ZNF282: variants seen among roughly 807,000 people sequenced by gnomAD.
ZNF282 encodes HTLV-I U5 repressive element-binding protein 1.
Under a neutral mutation model 61.9 loss-of-function variants are expected in ZNF282, and 30 were observed. That is an observed-to-expected ratio of 0.48 (90% confidence interval 0.36 to 0.66). ZNF282 has a LOEUF of 0.66. Among genes scored for constraint, ZNF282 ranks in the 30% least tolerant of loss-of-function variants. The pLI, the probability that ZNF282 is intolerant of heterozygous loss-of-function variation, is 0.00. For missense variants in ZNF282, 788 were observed against 941.4 expected (o/e 0.84, Z 2.13); for synonymous variants, 396 against 405.0 (o/e 0.98, Z 0.27).
At position 149,224,996 on chromosome 7, in the gene ZNF282, G is replaced by A; in HGVS notation, c.*349G>A. 2 of 306,318 alleles carry A rather than the reference G, an allele frequency of 6.5e-6. No individual in the cohort carries two copies. The highest frequency in any genetic ancestry group is 7.0e-5 in the South Asian group (1 of 14,202). The allele number at this position is 306,318 out of a possible 1,614,324, so 19.0% of individuals were successfully genotyped here. On this transcript the variant is annotated 3_prime_UTR_variant, in exon 8 of 8. Transcript: ENST00000610704. ...AGTCCCGAAGCCCTTCTGAGATCAG[G>A]AAATCAGGTCCCAAGGTTAGGAGAC...
intron 7 of ZNF282, 35 bp from the exon 8 acceptor site, chr7:149,223,777 C>T (rs1193528205): frequency 6.8e-7 from 1 of 1,468,418 alleles, no homozygotes; most frequent in South Asian, 1.4e-5. Flanking sequence ...GGCCGAGAAC[C>T]CCTGTCAGCA....
At chr7:149,220,295 C>T (rs1327833946) in intron 7 of ZNF282, among the ~76,000 whole-genome samples, 1 of 150,482 alleles carries the variant, frequency 6.6e-6, no homozygotes, top group Non-Finnish European at 1.5e-5. Flanking sequence ...GCCTGTAGTC[C>T]CAGCTACTCG....
chr7:149,216,821 G>A (rs1796166168), intron 7 of ZNF282, among the ~76,000 whole-genome samples: 1 of 152,166 alleles, frequency 6.6e-6, no homozygotes, highest in Non-Finnish European at 1.5e-5. Context: ...TGACTCAAAG[G>A]CAGACCTCAA....
At position 149,210,722 on chromosome 7, in the gene ZNF282, C is replaced by T. The variant is rs886107467; in HGVS notation, c.952+18C>T. ...CATTACCGGTGAGTGAGCCAAGCAG[C>T]CGTCCACACCAGGGAGGGGAGGGGA... On this transcript the variant is annotated intron_variant, in intron 5 of 7. Coordinates refer to ENST00000610704, the MANE Select transcript of ZNF282 (RefSeq NM_003575.4). The T allele has an allele frequency of 1.2e-5, 18 of 1,559,912 alleles. No individual in the cohort carries two copies. The highest frequency in any genetic ancestry group is 1.5e-5 in the Non-Finnish European group (17 of 1,154,610).
chr7:149,199,460 C>T (rs1487822654), intron 2 of ZNF282, among the ~76,000 whole-genome samples: 6 of 151,982 alleles, frequency 3.9e-5, no homozygotes, highest in African/African-American at 1.4e-4. Context: ...CATCAGCTCT[C>T]CCCCCTCTGC....
chr7:149,202,561 G>A (rs539025627), intron 2 of ZNF282, among the ~76,000 whole-genome samples: 39 of 151,930 alleles, frequency 2.6e-4, no homozygotes, highest in African/African-American at 8.2e-4. Context: ...TGATCTGCCC[G>A]CCTTGGCTTC....
chr7:149,207,291 C>T, intron 3 of ZNF282, 60 bp from the exon 4 acceptor site: 1 of 1,548,650 alleles, frequency 6.5e-7, no homozygotes. Flanking sequence ...TCTCCCTTCC[C>T]CTTGCTGGAT....
At chr7:149,223,135 C>T (rs1323008775) in intron 7 of ZNF282, among the ~76,000 whole-genome samples, 4 of 151,790 alleles carry the variant, frequency 2.6e-5, no homozygotes, top group Non-Finnish European at 2.9e-5. Flanking sequence ...CCACCACTCC[C>T]GGCTAATTTT....
rs1317304398 is a variant in ZNF282 at position 149,198,168 on chromosome 7, G to A, written c.166-165G>A. ...AGAGTGTTGAGTTGGGTGGGTGGGTGAGTGGGTAGCTGTTGCTGGGGGTGT... is the reference window on the plus strand; with the variant it reads ...AGAGTGTTGAGTTGGGTGGGTGGGTAAGTGGGTAGCTGTTGCTGGGGGTGT... On this transcript the variant is annotated intron_variant, in intron 1 of 7. Coordinates refer to ENST00000610704, the MANE Select transcript of ZNF282 (RefSeq NM_003575.4). This position sits in a 1 kb window ranked among gnomAD's most constrained non-coding sequence, Gnocchi z 4.3. Among the ~76,000 whole-genome samples, 3 of 152,108 alleles carry A rather than the reference G, an allele frequency of 2.0e-5. No homozygotes were observed. Among genetic ancestry groups the A allele is most frequent in the Non-Finnish European group, 4.4e-5 (3 of 68,016 alleles).
Position 149,226,046 on chromosome 7 carries a change from C to T in ZNF282, c.*1399C>T, listed in dbSNP as rs984197557. 2 of 152,674 alleles carry T rather than the reference C, an allele frequency of 1.3e-5. No individual in the cohort carries two copies. The highest frequency in any genetic ancestry group is 1.3e-4 in the Admixed American group (2 of 15,292). 9.5% of individuals were successfully genotyped at this position (152,674 alleles called of 1,614,324 possible). ...CCGGGATCACAGTGGGCAGCCGGCA[C>T]CCGGCACCACTTTGGCGAGCGTCCT... On this transcript the variant is annotated 3_prime_UTR_variant, in exon 8 of 8. Transcript: ENST00000610704.
intron 7 of ZNF282, 62 bp from the exon 8 acceptor site, chr7:149,223,750 G>T: frequency 7.2e-7 from 1 of 1,398,260 alleles, no homozygotes; most frequent in South Asian, 1.7e-5. Flanking sequence ...CCCCCTTCGG[G>T]AGCAGTGTGG....
chr7:149,208,568 G>A (rs529548366), intron 4 of ZNF282, among the ~76,000 whole-genome samples: 12 of 152,008 alleles, frequency 7.9e-5, no homozygotes, highest in Non-Finnish European at 1.5e-4. Flanking sequence ...CAGCTCTCAA[G>A]GCCACACTCT....
intron 7 of ZNF282, among the ~76,000 whole-genome samples, chr7:149,217,882 G>A (rs377674396): frequency 1.3e-5 from 2 of 152,208 alleles, no homozygotes; most frequent in East Asian, 1.9e-4. Flanking sequence ...GGATGGAGCC[G>A]TAGACTGAGG....
At position 149,224,663 on chromosome 7, in the gene ZNF282, G is replaced by A; in HGVS notation, c.*16G>A. On this transcript the variant is annotated 3_prime_UTR_variant, in exon 8 of 8. Coordinates refer to ENST00000610704, the MANE Select transcript of ZNF282 (RefSeq NM_003575.4). ...GCGAGACTAGGGCTGGGCTGGGGGA[G>A]GGCAGGGCCGGACGGAGTGGATCGG... 2.0e-6 allele frequency: 3 copies of A among 1,492,224 alleles called. No homozygotes were observed. The highest frequency in any genetic ancestry group is 2.5e-5 in the East Asian group (1 of 40,512). The allele number at this position is 1,492,224 out of a possible 1,614,324, so 92.4% of individuals were successfully genotyped here.
At position 149,223,989 on chromosome 7, in the gene ZNF282, A is replaced by T; in HGVS notation, c.1358A>T (p.Gln453Leu). ...CGAGGGCTGCTGGACGACGGTTTCC[A>T]GGTGCTGCCCGGGGAGCGTGGCTCC... ...PSRGLLDDGF[Q>L]VLPGERGSGE... Residue 453 changes from glutamine to leucine, a missense_variant, in exon 8 of 8, where the codon CAG (glutamine) becomes CTG (leucine). Gln to Leu is a moderately radical substitution (Grantham distance 113, BLOSUM62 -2). Around this residue, in one of 3 missense-constraint regions of ZNF282, gnomAD observed 559 missense variants for 642.0 expected, o/e 0.87. Transcript: ENST00000610704. 1 of 1,266,904 alleles carries T rather than the reference A, an allele frequency of 7.9e-7. No individual in the cohort carries two copies. The highest frequency in any genetic ancestry group is 9.9e-7 in the Non-Finnish European group (1 of 1,006,914). 78.5% of individuals were successfully genotyped at this position (1,266,904 alleles called of 1,614,324 possible). A position where few individuals can be genotyped will look rare whatever the true frequency, so the allele number is the denominator to read the frequency against.
intron 2 of ZNF282, among the ~76,000 whole-genome samples, chr7:149,202,404 C>T (rs371640477): frequency 3.3e-5 from 5 of 152,156 alleles, no homozygotes; most frequent in Admixed American, 2.0e-4. Context: ...CTCTGCCTCC[C>T]GGGTTCACAC....
rs1347116510 is a variant in ZNF282 at position 149,223,926 on chromosome 7, C to G, written c.1295C>G (p.Pro432Arg). 3.0e-6 allele frequency: 4 copies of G among 1,334,884 alleles called. No homozygotes were observed. The highest frequency in any genetic ancestry group is 7.8e-5 in the Admixed American group (2 of 25,568). 82.7% of individuals were successfully genotyped at this position (1,334,884 alleles called of 1,614,324 possible). Residue 432 changes from proline (P) to arginine (R), a missense_variant, in exon 8 of 8, where the codon CCC (proline) becomes CGC (arginine). Physicochemically the swap from Pro to Arg is moderately radical, Grantham distance 103. This residue lies in a region of ZNF282 where 559 missense variants were observed against 642.0 expected (regional missense o/e 0.87). Coordinates refer to ENST00000610704, the MANE Select transcript of ZNF282 (RefSeq NM_003575.4). ...CAGCCCCAGCCCCAGAGCCTGCCCC[C>G]CATCGCGGTGGCCGAGAACCCGGGC... is the stretch of plus-strand genomic sequence containing the variant. ...QSQPQPQSLP[P>R]IAVAENPGGP... is the part of the protein sequence containing the mutation.
At chr7:149,220,948 T>G in intron 7 of ZNF282, among the ~76,000 whole-genome samples, 1 of 145,422 alleles carries the variant, frequency 6.9e-6, no homozygotes. Flanking sequence ...GAGATAAGGT[T>G]TCACTCTGTC....
intron 7 of ZNF282, among the ~76,000 whole-genome samples, chr7:149,217,977 G>A (rs1253892068): frequency 6.6e-6 from 1 of 151,742 alleles, no homozygotes; most frequent in Non-Finnish European, 1.5e-5. Flanking sequence ...GTGTCATGGC[G>A]GGCACCTGTA....
Sources: gnomAD v4.1 joint callset for allele counts (sites outside exome capture counted in the v4.1 genomes callset) on GRCh38, gnomAD v4.1.1 for gene constraint, gnomAD v4.1.1 regional missense constraint, Gnocchi (gnomAD v3.1) non-coding constraint, MANE v1.5 for transcripts, NCBI Gene and HGNC (gene_info 2026-07-23, HGNC 2026-07-21) for gene names.